DHX30: variants seen among roughly 807,000 people sequenced by gnomAD.
DHX30 encodes the protein DExH-box helicase 30, also known as ATP-dependent RNA helicase DHX30.
DHX30 carries 4 observed loss-of-function variants against 116.9 expected under a neutral mutation model. That is an observed-to-expected ratio of 0.03 (90% CI 0.02 to 0.08). DHX30 has a LOEUF of 0.08. Among genes scored for constraint, DHX30 ranks in the 10% least tolerant of loss-of-function variants. DHX30 has a pLI of 1.00. For missense variants in DHX30, 871 were observed against 1,595.1 expected (o/e 0.55, Z 7.73); for synonymous variants, 697 against 651.7 (o/e 1.07, Z -1.06).
At chr3:47,828,224 C>T (rs1431052709) in intron 5 of DHX30, among the ~76,000 whole-genome samples, 6 of 151,760 alleles carry the variant, frequency 4.0e-5, no homozygotes, top group Middle Eastern at 3.4e-3. Flanking sequence ...CTTTAGGAGG[C>T]GGAGTAGGGA....
intron 6 of DHX30, among the ~76,000 whole-genome samples, chr3:47,837,907 ATGGCAAGAACAG>A (rs1276043407): frequency 6.6e-6 from 1 of 152,206 alleles, no homozygotes; most frequent in Non-Finnish European, 1.5e-5. Context: ...CGCCTAGGTT[ATGGCAAGAACAG>A]TGGCTGGTGG....
At chr3:47,838,591 C>T (rs1376908715) in intron 6 of DHX30, among the ~76,000 whole-genome samples, 1 of 152,214 alleles carries the variant, frequency 6.6e-6, no homozygotes, top group East Asian at 1.9e-4. Flanking sequence ...CACTCTCCAG[C>T]TTGTCATGAG....
At position 47,849,228 on chromosome 3, in the gene DHX30, C is replaced by T; in HGVS notation, c.2966C>T (p.Ala989Val). Residue 989 changes from alanine to valine, a missense_variant, in exon 19 of 22, where the codon GCC (alanine) becomes GTC (valine). Coordinates refer to ENST00000445061, the MANE Select transcript of DHX30 (RefSeq NM_138615.3). Reference sequence around the variant, plus strand: ...CAGTTCTCAGAGAACATTTATGAGGCCTTCCTGGTGGGGAAGCCCTCGGAC... The same window carrying T: ...CAGTTCTCAGAGAACATTTATGAGGTCTTCCTGGTGGGGAAGCCCTCGGAC... ...IKQFSENIYE[A>V]FLVGKPSDCT... 6.2e-7 allele frequency: 1 copy of T among 1,614,084 alleles called. No individual in the cohort carries two copies. The highest frequency in any genetic ancestry group is 1.1e-5 in the South Asian group (1 of 91,086).
At chr3:47,820,901 T>G (rs967747475) in intron 4 of DHX30, among the ~76,000 whole-genome samples, 1 of 145,866 alleles carries the variant, frequency 6.9e-6, no homozygotes, top group African/African-American at 2.4e-5. Context: ...TGCGTAAGGC[T>G]CTCTCTTTTT....
At chr3:47,804,192 C>T (rs1160266816) in intron 1 of DHX30, among the ~76,000 whole-genome samples, 1 of 152,154 alleles carries the variant, frequency 6.6e-6, no homozygotes, top group African/African-American at 2.4e-5. Context: ...CGTTTTCTAC[C>T]GGTGTTGGCT....
At position 47,848,646 on chromosome 3, in the gene DHX30, C is replaced by T; in HGVS notation, c.2598C>T (p.Tyr866=). 1.2e-6 allele frequency: 2 copies of T among 1,614,034 alleles called. No individual in the cohort carries two copies. Among genetic ancestry groups the T allele is most frequent in the East Asian group, 2.2e-5 (1 of 44,874 alleles). The change falls in exon 17 of 22, where the codon TAC becomes TAT. Residue 866 remains tyrosine, a synonymous_variant. Coordinates refer to ENST00000445061, the MANE Select transcript of DHX30 (RefSeq NM_138615.3). The surrounding 1 kb of genome is among the most constrained non-coding windows in gnomAD (Gnocchi z 9.4). ...CAGGGGTGCTGGACCAGCGGGAGTACCTGACTACCCTGGGGCAGCGCCTGG... is the reference window on the plus strand; with the variant it reads ...CAGGGGTGCTGGACCAGCGGGAGTATCTGACTACCCTGGGGCAGCGCCTGG... ...QEIGVLDQRE[Y]LTTLGQRLAH...
intron 6 of DHX30, among the ~76,000 whole-genome samples, chr3:47,833,815 G>A (rs564409192): frequency 2.1e-4 from 32 of 151,632 alleles, no homozygotes; most frequent in Non-Finnish European, 4.1e-4. Flanking sequence ...CTGAGATCAC[G>A]CCACTGCACT....
Position 47,847,524 on chromosome 3 carries a change from C to A in DHX30, c.2098C>A (p.Leu700Ile). Reference sequence around the variant, plus strand: ...CCTGGGCATGCACGAGAGCAAGTACCTCATCCTGCCAGGTGAGAGCCCCGG... The same window carrying A: ...CCTGGGCATGCACGAGAGCAAGTACATCATCCTGCCAGGTGAGAGCCCCGG... ...EALGMHESKY[L>I]ILPVHSNIPM... Residue 700 changes from leucine to isoleucine, a missense_variant, in exon 13 of 22, where the codon CTC becomes ATC. This residue lies in a region of DHX30 where 49 missense variants were observed against 60.9 expected (regional missense o/e 0.80). Coordinates refer to ENST00000445061, the MANE Select transcript of DHX30 (RefSeq NM_138615.3). This position sits in a 1 kb window ranked among gnomAD's most constrained non-coding sequence, Gnocchi z 5.5. 1 of 1,608,540 alleles carries A rather than the reference C, an allele frequency of 6.2e-7. No individual in the cohort carries two copies. The highest frequency in any genetic ancestry group is 2.2e-5 in the East Asian group (1 of 44,600).
At chr3:47,827,567 G>C (rs1302853517) in intron 5 of DHX30, 90 bp downstream of exon 5, 2 of 1,487,864 alleles carry the variant, frequency 1.3e-6, no homozygotes, top group African/African-American at 2.8e-5. Flanking sequence ...TGTCAAGGAG[G>C]CCATAGAATG....
Position 47,849,314 on chromosome 3 carries a change from G to T in DHX30, c.3052G>T (p.Val1018Leu), listed in dbSNP as rs2107166633. The T allele has an allele frequency of 6.2e-7, 1 of 1,613,982 alleles. No individual in the cohort carries two copies. The highest frequency in any genetic ancestry group is 8.5e-7 in the Non-Finnish European group (1 of 1,179,984). ...YSEEEELVKG[V>L]LMAGLYPNLI... ...TGAGGAGGAGGAGCTGGTGAAGGGC[G>T]TGCTGATGGCCGGCCTCTACCCCAA... The change falls in exon 19 of 22, where the codon GTG becomes TTG. Residue 1018 changes from valine to leucine, a missense_variant. This residue lies in a region of DHX30 where 238 missense variants were observed against 481.0 expected (regional missense o/e 0.49). Coordinates refer to ENST00000445061, the MANE Select transcript of DHX30 (RefSeq NM_138615.3).
chr3:47,813,581 C>T (rs750797774), intron 3 of DHX30, among the ~76,000 whole-genome samples: 10 of 152,138 alleles, frequency 6.6e-5, no homozygotes, highest in East Asian at 1.9e-4. Context: ...GCCTGTAGCC[C>T]GTGTTGAAGC....
chr3:47,845,895 C>A (rs755916078), intron 10 of DHX30, 43 bp downstream of exon 10: 2 of 1,563,508 alleles, frequency 1.3e-6, no homozygotes, highest in Non-Finnish European at 8.7e-7. Context: ...TCCCTGTAGT[C>A]TGCCTCCATC....
At position 47,840,931 on chromosome 3, in the gene DHX30, G is replaced by A; in HGVS notation, c.421G>A (p.Val141Met). Residue 141 changes from valine to methionine, a missense_variant, in exon 7 of 22, where the codon GTG becomes ATG. Coordinates refer to ENST00000445061, the MANE Select transcript of DHX30 (RefSeq NM_138615.3). ...GTTGTTTGACGCAGCCAAATACCGA[G>A]TGCTAGCTGATCGCTTTGGCTCCCC... ...NELFDAAKYRVLADRFGSPAD... is the reference protein window; with the variant it reads ...NELFDAAKYRMLADRFGSPAD... The A allele has an allele frequency of 6.2e-7, 1 of 1,614,232 alleles. No individual in the cohort carries two copies. The highest frequency in any genetic ancestry group is 8.5e-7 in the Non-Finnish European group (1 of 1,180,046).
At chr3:47,805,491 T>TG (rs1326116114) in intron 2 of DHX30, 71 bp downstream of exon 2, 1 of 398,378 alleles carries the variant, frequency 2.5e-6, no homozygotes, top group Non-Finnish European at 4.4e-6. Context: ...ACAAGAGGTA[T>TG]GTGTTAAACC....
intron 3 of DHX30, among the ~76,000 whole-genome samples, chr3:47,811,642 C>T (rs1449628645): frequency 1.3e-5 from 2 of 152,142 alleles, no homozygotes; most frequent in Non-Finnish European, 2.9e-5. Context: ...ATGGTGCTGG[C>T]ATCTGTTTGG....
intron 4 of DHX30, chr3:47,824,840 T>G: frequency 2.2e-6 from 1 of 453,474 alleles, no homozygotes; most frequent in Non-Finnish European, 3.9e-6. Flanking sequence ...CTCTGCAGGG[T>G]CCTAGCCCTG....
At position 47,846,607 on chromosome 3, in the gene DHX30, G is replaced by A. The variant is rs1382111102; in HGVS notation, c.1535G>A (p.Arg512His). The A allele has an allele frequency of 1.7e-5, 27 of 1,613,956 alleles. No homozygotes were observed. Among genetic ancestry groups the A allele is most frequent in the East Asian group, 2.2e-5 (1 of 44,884 alleles). Residue 512 changes from arginine to histidine, a missense_variant, in exon 11 of 22, where the codon CGC becomes CAC. Transcript: ENST00000445061. ...RVSHELGPSL[R>H]RNVGFQVRLE... ...AGCCACGAACTGGGCCCCTCCCTGCGCCGGAATGTGGGCTTCCAGGTGCGG... is the reference window on the plus strand; with the variant it reads ...AGCCACGAACTGGGCCCCTCCCTGCACCGGAATGTGGGCTTCCAGGTGCGG...
chr3:47,836,503 A>G lies in DHX30; in HGVS notation c.367-4374A>G, dbSNP rs9867567. Among the ~76,000 whole-genome samples, 220 of 150,626 alleles carry G rather than the reference A, an allele frequency of 1.5e-3. 1 individual carries two copies. Among genetic ancestry groups the G allele is most frequent in the African/African-American group, 5.0e-3 (206 of 40,964 alleles). On this transcript the variant is annotated intron_variant, in intron 6 of 21. Coordinates refer to ENST00000445061, the MANE Select transcript of DHX30 (RefSeq NM_138615.3). ...CCATCTCTTTTTCTCTTCCCCATCTATGTGTATAGTTTTGTTTTGTTTTGT... is the reference window on the plus strand; with the variant it reads ...CCATCTCTTTTTCTCTTCCCCATCTGTGTGTATAGTTTTGTTTTGTTTTGT...
At chr3:47,813,847 C>T (rs1330405120) in intron 3 of DHX30, among the ~76,000 whole-genome samples, 1 of 136,090 alleles carries the variant, frequency 7.3e-6, no homozygotes, top group Non-Finnish European at 1.5e-5. Context: ...GCCACTCCAT[C>T]TGTTTTCATA....
Sources: allele counts gnomAD v4.1 joint callset (sites outside exome capture counted in the v4.1 genomes callset), GRCh38; gene constraint gnomAD v4.1.1; regional missense constraint gnomAD v4.1.1; non-coding constraint Gnocchi (gnomAD v3.1); transcripts MANE v1.5; gene names NCBI Gene and HGNC (gene_info 2026-07-23, HGNC 2026-07-21).